OTOA: variants seen among roughly 807,000 people sequenced by gnomAD.
The protein encoded by OTOA is otoancorin, also known as cancer/testis antigen 108.
In OTOA, 70 loss-of-function variants were observed where a neutral mutation model predicts 110.8. That is an observed-to-expected ratio of 0.63 (90% CI 0.52 to 0.77). The LOEUF (loss-of-function observed/expected upper bound fraction) is 0.77, where lower values mean the gene tolerates loss of function less well. Ranked by LOEUF, OTOA falls within the 30% of genes least tolerant of loss-of-function variation. The pLI is 0.00. For missense variants in OTOA, 917 were observed against 1,075.8 expected (o/e 0.85, Z 2.06); for synonymous variants, 373 against 431.5 (o/e 0.86, Z 1.68).
At chr16:21,696,061 A>ATT (rs1897934437) in intron 9 of OTOA, among the ~76,000 whole-genome samples, 1 of 150,580 alleles carries the variant, frequency 6.6e-6, no homozygotes, top group Non-Finnish European at 1.5e-5. Flanking sequence ...CGCCTGGCTA[A>ATT]TTTTTGTAGT....
chr16:21,722,785 G>T, intron 17 of OTOA, 120 bp from the exon 18 acceptor site: 1 of 831,158 alleles, frequency 1.2e-6, no homozygotes, highest in Non-Finnish European at 2.1e-6. Flanking sequence ...ACATCATAGG[G>T]TGCTCTATTG....
In OTOA at chr16:21,681,695, G is replaced by C. The variant is rs760043999; in HGVS notation, c.180-43G>C. Reference sequence around the variant, plus strand: ...AGCTAGTACAGTAGTGCTTGTAGGAGAATCTGTCATTGTGATCTTTTCCTG... The same window carrying C: ...AGCTAGTACAGTAGTGCTTGTAGGACAATCTGTCATTGTGATCTTTTCCTG... On this transcript the variant is annotated intron_variant, in intron 5 of 28. Coordinates refer to ENST00000646100, the MANE Select transcript of OTOA (RefSeq NM_144672.4). 6 of 1,540,544 alleles carry C rather than the reference G, an allele frequency of 3.9e-6. No individual in the cohort carries two copies. The East Asian group carries it at 1.1e-4, about 29-fold the overall frequency.
At chr16:21,695,725 C>T (rs1038309564) in intron 9 of OTOA, among the ~76,000 whole-genome samples, 5 of 151,604 alleles carry the variant, frequency 3.3e-5, no homozygotes, top group African/African-American at 1.2e-4. Flanking sequence ...TCACTGCACC[C>T]TGTAAATGCT....
In OTOA at chr16:21,727,018, T is replaced by TG. The variant is rs1000381634; in HGVS notation, c.2016+360_2016+361insG. The TG allele has an allele frequency of 3.9e-4, 97 of 251,392 alleles. 1 individual carries two copies. Among genetic ancestry groups the TG allele is most frequent in the South Asian group, 3.8e-3 (83 of 21,884 alleles). The allele number at this position is 251,392 out of a possible 1,614,324, so 15.6% of individuals were successfully genotyped here. On this transcript the variant is annotated intron_variant, in intron 19 of 28. Coordinates refer to ENST00000646100, the MANE Select transcript of OTOA (RefSeq NM_144672.4). ...GTAGCACATCCCCCTTAGAGTTTTTTTTTTTTTTTTTTTTTTGGGACAGAG... is the reference window on the plus strand; with the variant it reads ...GTAGCACATCCCCCTTAGAGTTTTTTGTTTTTTTTTTTTTTTTGGGACAGAG...
chr16:21,732,759 G>A (rs1899158276), intron 21 of OTOA, among the ~76,000 whole-genome samples: 1 of 149,312 alleles, frequency 6.7e-6, no homozygotes, highest in African/African-American at 2.4e-5. Context: ...TAAAGCAAAT[G>A]TAAGCCAAGT....
chr16:21,726,967 G>T, intron 19 of OTOA: 1 of 367,672 alleles, frequency 2.7e-6, no homozygotes. Context: ...CTGAGCCTCA[G>T]TCTTCTCATC....
intron 1 of OTOA, among the ~76,000 whole-genome samples, 157 bp from the exon 2 acceptor site, chr16:21,678,354 G>A (rs1334444711): frequency 2.0e-5 from 3 of 151,800 alleles, no homozygotes; most frequent in Non-Finnish European, 4.4e-5. Context: ...TTTTAAAAAA[G>A]ACTTCAAGGG....
In OTOA at chr16:21,716,992, G is replaced by A. The variant is rs1215778767; in HGVS notation, c.1574G>A (p.Arg525Lys). The change falls in exon 15 of 29, where the codon AGG becomes AAG. Residue 525 changes from arginine to lysine, a missense_variant. Arg to Lys is a conservative substitution (Grantham distance 26, BLOSUM62 2). Transcript: ENST00000646100. ...FKEVSLFDLR[R>K]QPGFNSTVLK... ...GAAGTGTCTCTCTTTGATTTAAGGA[G>A]GCAACCTGGATTCAACTCTACAGTC... The A allele has an allele frequency of 6.2e-7, 1 of 1,614,118 alleles. No homozygotes were observed. The highest frequency in any genetic ancestry group is 8.5e-7 in the Non-Finnish European group (1 of 1,180,024).
At chr16:21,725,033 C>A (rs1009830981) in intron 18 of OTOA, among the ~76,000 whole-genome samples, 3 of 152,114 alleles carry the variant, frequency 2.0e-5, no homozygotes, top group Non-Finnish European at 4.4e-5. Flanking sequence ...TTGCCTCGGC[C>A]TCCCAAAGTG....
At chr16:21,676,597 T>A (rs1966858212) in intron 1 of OTOA, among the ~76,000 whole-genome samples, 1 of 152,202 alleles carries the variant, frequency 6.6e-6, no homozygotes, top group African/African-American at 2.4e-5. Context: ...TGCCTACTGG[T>A]GGTTCATTCT....
chr16:21,722,489 T>A (rs1027051174), intron 17 of OTOA, among the ~76,000 whole-genome samples: 1 of 151,326 alleles, frequency 6.6e-6, no homozygotes, highest in African/African-American at 2.4e-5. Context: ...ACATTATATA[T>A]AATATAACTA....
At chr16:21,672,251 G>A (rs1293914628) in intron 1 of OTOA, among the ~76,000 whole-genome samples, 2 of 152,126 alleles carry the variant, frequency 1.3e-5, no homozygotes, top group Non-Finnish European at 2.9e-5. Context: ...TATCAGTAGT[G>A]TATTCCTTTT....
chr16:21,675,055 TTCTTTCTG>T lies in OTOA; in HGVS notation c.-4-3448_-4-3441del, dbSNP rs1211912183. 1.3e-3 allele frequency among the ~76,000 whole-genome samples: 178 copies of T among 140,216 alleles called. 1 individual carries two copies. Among genetic ancestry groups the T allele is most frequent in the African/African-American group, 3.3e-3 (123 of 36,768 alleles). The allele number at this position is 140,216 out of a possible 152,430, so 92.0% of individuals were successfully genotyped here. Reference sequence around the variant, plus strand: ...ACAAATTTGGTCATGAGGTCATGTTTTCTTTCTGTCTTTCTTTCTTTCTTTCTTTCTTT... The same window carrying T: ...ACAAATTTGGTCATGAGGTCATGTTTTCTTTCTTTCTTTCTTTCTTTCTTT... On this transcript the variant is annotated intron_variant, in intron 1 of 28. Transcript: ENST00000646100.
intron 8 of OTOA, among the ~76,000 whole-genome samples, chr16:21,689,322 A>G (rs1897782756): frequency 6.6e-6 from 1 of 152,166 alleles, no homozygotes; most frequent in Admixed American, 6.5e-5. Flanking sequence ...CTAGGTTGCC[A>G]GTTTTTTTCA....
intron 1 of OTOA, among the ~76,000 whole-genome samples, chr16:21,669,063 G>A (rs755767330): frequency 1.3e-5 from 2 of 151,856 alleles, no homozygotes; most frequent in Non-Finnish European, 2.9e-5. Flanking sequence ...ATCTGGGGCC[G>A]GGTGCAGTGG....
intron 8 of OTOA, among the ~76,000 whole-genome samples, chr16:21,690,864 G>A (rs964727151): frequency 1.5e-4 from 22 of 151,470 alleles, no homozygotes; most frequent in African/African-American, 5.1e-4. Context: ...TGTGCACAAC[G>A]TGCAGGTTTG....
intron 23 of OTOA, among the ~76,000 whole-genome samples, chr16:21,744,196 G>C (rs1460981438): frequency 6.7e-6 from 1 of 148,418 alleles, no homozygotes; most frequent in Non-Finnish European, 1.5e-5. Flanking sequence ...TGTCACCCAG[G>C]CTGGAGTACA....
intron 8 of OTOA, among the ~76,000 whole-genome samples, chr16:21,691,046 A>ATGAG (rs1194722820): frequency 7.3e-6 from 1 of 136,450 alleles, no homozygotes; most frequent in Non-Finnish European, 1.5e-5. Context: ...ATTCCCACCT[A>ATGAG]TGAGTGAGAA....
intron 22 of OTOA, among the ~76,000 whole-genome samples, chr16:21,739,042 A>G (rs1450763238): frequency 6.6e-6 from 1 of 152,312 alleles, no homozygotes; most frequent in Non-Finnish European, 1.5e-5. Context: ...AAGGCTTTCC[A>G]TGCTCAGGGG....
Sources: allele counts gnomAD v4.1 joint callset (sites outside exome capture counted in the v4.1 genomes callset), GRCh38; gene constraint gnomAD v4.1.1; transcripts MANE v1.5; gene names NCBI Gene and HGNC (gene_info 2026-07-23, HGNC 2026-07-21).